The following CHN2 variants were observed in gnomAD, a reference collection of about 807,000 sequenced individuals.
CHN2 encodes beta-chimaerin.
Under a neutral mutation model 56.3 loss-of-function variants are expected in CHN2, and 35 were observed. That is an observed-to-expected ratio of 0.62 (90% CI 0.47 to 0.82). The LOEUF (loss-of-function observed/expected upper bound fraction) is 0.82. CHN2 is among the 40% of genes least tolerant of loss of function. CHN2 has a pLI of 0.00. For missense variants in CHN2, 491 were observed against 580.5 expected, an observed-to-expected ratio of 0.85 and a Z score of 1.58; for synonymous variants, 210 against 212.8, an observed-to-expected ratio of 0.99 and a Z score of 0.12.
At chr7:29,204,065 CTCTGTGTGTGTGTGTGTG>C (rs1176390562) in intron 1 of CHN2, among the ~76,000 whole-genome samples, 24 of 136,012 alleles carry the variant, frequency 1.8e-4, no homozygotes, top group Admixed American at 2.3e-4. Flanking sequence ...TTTTCTCTCT[CTCTGTGTGTGTGTGTGTG>C]TGTGTGTGTG....
At chr7:29,238,699 G>A (rs1392158377) in intron 1 of CHN2, among the ~76,000 whole-genome samples, 1 of 152,230 alleles carries the variant, frequency 6.6e-6, no homozygotes, top group African/African-American at 2.4e-5. Flanking sequence ...TTTGAGATAG[G>A]ATGATCAGGG....
chr7:29,407,363 G>T (rs1210262980), intron 6 of CHN2, among the ~76,000 whole-genome samples: 2 of 151,950 alleles, frequency 1.3e-5, no homozygotes, highest in Non-Finnish European at 2.9e-5. Flanking sequence ...GAGGCTTGGT[G>T]ACTTCATTCA....
intron 6 of CHN2, among the ~76,000 whole-genome samples, chr7:29,408,932 TC>T (rs1802916507): frequency 6.6e-6 from 1 of 152,200 alleles, no homozygotes; most frequent in Admixed American, 6.5e-5. Flanking sequence ...GAAAGTATTT[TC>T]TATGCAAATA....
At chr7:29,260,271 C>T (rs1789426153) in intron 1 of CHN2, among the ~76,000 whole-genome samples, 1 of 152,154 alleles carries the variant, frequency 6.6e-6, no homozygotes, top group South Asian at 2.1e-4. Flanking sequence ...GCCACCGCAC[C>T]TGGATCTTCT....
rs73309094 is a variant in CHN2, at chr7:29,488,152, C to A, written c.654+7796C>A. Among the ~76,000 whole-genome samples the A allele has an allele frequency of 3.5e-3, 530 of 152,314 alleles. 5 individuals carry two copies. The highest frequency in any genetic ancestry group is 0.011 in the African/African-American group (474 of 41,560). ...AGCTCTCCTGCCCCATCTCCTTGGC[C>A]AGCCTTTCAGAGGGAACTCAGAGTG... is the stretch of plus-strand genomic sequence containing the variant. On this transcript the variant is annotated intron_variant, in intron 7 of 12. Coordinates refer to ENST00000222792, the MANE Select transcript of CHN2 (RefSeq NM_004067.4).
chr7:29,192,441 G>C (rs1365217492), upstream of CHN2: 1 of 152,192 alleles, frequency 6.6e-6, no homozygotes, highest in Non-Finnish European at 1.5e-5. Flanking sequence ...TTTCAGAGAT[G>C]AATAATGAAA....
chr7:29,462,991 C>G (rs1562627180), intron 6 of CHN2, among the ~76,000 whole-genome samples: 1 of 145,602 alleles, frequency 6.9e-6, no homozygotes. Context: ...CCTCCCCACT[C>G]CACCTTGAAC....
At chr7:29,504,953 G>C in intron 10 of CHN2, 132 bp downstream of exon 10, 1 of 620,906 alleles carries the variant, frequency 1.6e-6, no homozygotes, top group East Asian at 2.7e-5. Flanking sequence ...AGGAATAATG[G>C]CTTACAAATC....
At chr7:29,489,905 C>T (rs1018482362) in intron 7 of CHN2, among the ~76,000 whole-genome samples, 1 of 152,110 alleles carries the variant, frequency 6.6e-6, no homozygotes, top group Non-Finnish European at 1.5e-5. Context: ...TTTAGAAAAT[C>T]TGTGATTAGC....
intron 1 of CHN2, among the ~76,000 whole-genome samples, chr7:29,224,943 A>G (rs1358943004): frequency 2.6e-5 from 4 of 152,196 alleles, no homozygotes; most frequent in Non-Finnish European, 5.9e-5. Flanking sequence ...CTCCGGAGAG[A>G]GAAAATAAGG....
intron 12 of CHN2, among the ~76,000 whole-genome samples, chr7:29,511,598 G>A (rs190532887): frequency 1.2e-4 from 19 of 152,294 alleles, no homozygotes; most frequent in Non-Finnish European, 5.9e-5. Context: ...AGGCTTTGTG[G>A]CATGTACATG....
Position 29,398,061 on chromosome 7 carries a change from G to T in CHN2, c.177-312G>T, listed in dbSNP as rs1354026524. ...TTATTTCCCATGGTTAAAAAAAAGG[G>T]GGGGGGGGGGCGGTGGTTGAGTAAC... On this transcript the variant is annotated intron_variant, in intron 4 of 12. Transcript: ENST00000222792. 5 of 4,656 alleles carry T rather than the reference G, an allele frequency of 1.1e-3. No individual in the cohort carries two copies. In the South Asian group the frequency reaches 0.014, roughly 13 times the overall value. 0.3% of individuals were successfully genotyped at this position (4,656 alleles called of 1,614,324 possible).
intron 6 of CHN2, among the ~76,000 whole-genome samples, chr7:29,449,393 G>A (rs577315697): frequency 1.6e-4 from 25 of 152,290 alleles, no homozygotes; most frequent in South Asian, 4.1e-4. Flanking sequence ...GTCAGAATCC[G>A]TCCTGCAGGC....
intron 1 of CHN2, among the ~76,000 whole-genome samples, chr7:29,318,071 G>A (rs1795083753): frequency 4.6e-5 from 7 of 152,326 alleles, no homozygotes; most frequent in Admixed American, 4.6e-4. Flanking sequence ...CCCAGTGTTA[G>A]CCCTGGGTCC....
chr7:29,480,024 A>C, intron 6 of CHN2: 1 of 1,519,438 alleles, frequency 6.6e-7, no homozygotes, highest in Non-Finnish European at 8.8e-7. Flanking sequence ...TCTGCCGCCT[A>C]ACATAAGCTG....
intron 1 of CHN2, among the ~76,000 whole-genome samples, chr7:29,235,635 G>A (rs945040833): frequency 1.3e-5 from 2 of 152,152 alleles, no homozygotes; most frequent in African/African-American, 4.8e-5. Context: ...TGGAATCAAT[G>A]TAGATGTCTA....
chr7:29,353,597 T>G (rs965278632), intron 1 of CHN2, among the ~76,000 whole-genome samples: 29 of 151,948 alleles, frequency 1.9e-4, no homozygotes, highest in African/African-American at 6.8e-4. Flanking sequence ...AAGGTTGCAG[T>G]GAGCAGCCTG....
intron 5 of CHN2, among the ~76,000 whole-genome samples, chr7:29,399,787 C>A (rs567203953): frequency 7.9e-5 from 12 of 152,118 alleles, no homozygotes; most frequent in East Asian, 3.8e-4. Flanking sequence ...ATTATGAGGA[C>A]GAACTTAAAA....
intron 6 of CHN2, among the ~76,000 whole-genome samples, chr7:29,421,987 C>T (rs529116472): frequency 3.3e-5 from 5 of 152,138 alleles, no homozygotes; most frequent in South Asian, 2.1e-4. Context: ...TGGGAATCAC[C>T]GAATATGGGT....
Sources: allele counts gnomAD v4.1 joint callset (sites outside exome capture counted in the v4.1 genomes callset), GRCh38; gene constraint gnomAD v4.1.1; transcripts MANE v1.5; gene names NCBI Gene and HGNC (gene_info 2026-07-23, HGNC 2026-07-21).